Variants in MAST1 observed in about 807,000 individuals in gnomAD.
MAST1 encodes microtubule-associated serine/threonine-protein kinase 1.
In MAST1, 40 loss-of-function variants were observed where a neutral mutation model predicts 124.6. The observed-to-expected ratio is 0.32, with a 90% CI of 0.25 to 0.42. MAST1 has a LOEUF of 0.42. Among genes scored for constraint, MAST1 ranks in the 10% least tolerant of loss-of-function variants. The pLI is 1.00. For missense variants in MAST1, 1,558 were observed against 2,181.9 expected, an observed-to-expected ratio of 0.71 and a Z score of 5.70; for synonymous variants, 938 against 939.4, an observed-to-expected ratio of 1.00 and a Z score of 0.03.
chr19:12,858,971 C>T, intron 12 of MAST1: 1 of 599,828 alleles, frequency 1.7e-6, no homozygotes, highest in Non-Finnish European at 3.0e-6. Context: ...TTCAGTCTGA[C>T]CCATTATCCA....
rs367743520 is a variant in MAST1 at position 12,874,571 on chromosome 19, G to A, written c.4414G>A (p.Glu1472Lys). The stretch of plus-strand genomic sequence containing the variant: ...CGCACCCCTGGCGCCTTCCGTGCCC[G>A]AGGCCCCCCGGGGCCGGGAGCGCTG... ...EPAPLAPSVP[E>K]APRGRERWVL... The change falls in exon 26 of 26, where the codon GAG becomes AAG. Residue 1472 changes from glutamate to lysine, a missense_variant. By Grantham distance (56) the Glu-to-Lys change is moderately conservative. Coordinates refer to ENST00000251472, the MANE Select transcript of MAST1 (RefSeq NM_014975.3). The surrounding 1 kb of genome is among the most constrained non-coding windows in gnomAD (Gnocchi z 6.6). 2.0e-6 allele frequency: 3 copies of A among 1,507,964 alleles called. No individual in the cohort carries two copies. The highest frequency in any genetic ancestry group is 1.4e-5 in the African/African-American group (1 of 71,710). 93.4% of individuals were successfully genotyped at this position (1,507,964 alleles called of 1,614,324 possible).
At chr19:12,867,701 T>A in intron 19 of MAST1, 29 bp from the exon 20 acceptor site, 1 of 1,534,994 alleles carries the variant, frequency 6.5e-7, no homozygotes, top group Middle Eastern at 1.7e-4. Context: ...AGGGGGCGTG[T>A]CTTCCATAAC....
rs759181407 is a variant in MAST1 at position 12,874,695 on chromosome 19, C to T, written c.4538C>T (p.Ala1513Val). ...LSPEPQTPSLAPAKCSAPSSA... is the reference protein window; with the variant it reads ...LSPEPQTPSLVPAKCSAPSSA... Reference sequence around the variant, plus strand: ...CCGGAGCCCCAGACACCCTCCCTAGCCCCAGCGAAGTGCAGTGCACCCAGC... The same window carrying T: ...CCGGAGCCCCAGACACCCTCCCTAGTCCCAGCGAAGTGCAGTGCACCCAGC... The change falls in exon 26 of 26, where the codon GCC (alanine) becomes GTC (valine). Residue 1513 changes from alanine (A) to valine (V), a missense_variant. Physicochemically the swap from Ala to Val is moderately conservative, Grantham distance 64. This residue lies in a region of MAST1 where 168 missense variants were observed against 154.3 expected (regional missense o/e 1.09). Coordinates refer to ENST00000251472, the MANE Select transcript of MAST1 (RefSeq NM_014975.3). The surrounding 1 kb of genome is among the most constrained non-coding windows in gnomAD (Gnocchi z 6.6). 9.6e-6 allele frequency: 15 copies of T among 1,569,670 alleles called. No individual in the cohort carries two copies. The highest frequency in any genetic ancestry group is 1.3e-5 in the Non-Finnish European group (15 of 1,152,170).
chr19:12,853,448 C>T (rs538131878), intron 10 of MAST1, among the ~76,000 whole-genome samples: 13 of 151,304 alleles, frequency 8.6e-5, no homozygotes, highest in East Asian at 2.0e-4. Flanking sequence ...CCCAGCTACT[C>T]GGGAGGCTGA....
In MAST1 at chr19:12,847,414, G is replaced by T. The variant is rs772811410; in HGVS notation, c.452G>T (p.Arg151Leu). 8 of 1,613,470 alleles carry T rather than the reference G, an allele frequency of 5.0e-6. No homozygotes were observed. Among genetic ancestry groups the T allele is most frequent in the Non-Finnish European group, 6.8e-6 (8 of 1,179,964 alleles). ...ATCACAGACGAGGATGGTGGCCGTC[G>T]CTCCCCAGCCGTGCGGCCCCGCTCA... ...ESITDEDGGR[R>L]SPAVRPRSRS... The change falls in exon 5 of 26, where the codon CGC becomes CTC. Residue 151 changes from arginine to leucine, a missense_variant. Transcript: ENST00000251472. This position sits in a 1 kb window ranked among gnomAD's most constrained non-coding sequence, Gnocchi z 5.5.
chr19:12,862,650 T>C (rs942355155), intron 12 of MAST1, among the ~76,000 whole-genome samples: 1 of 151,368 alleles, frequency 6.6e-6, no homozygotes, highest in Non-Finnish European at 1.5e-5. Context: ...TGTTGTTTTT[T>C]TCTTTTCCTT....
intron 12 of MAST1, among the ~76,000 whole-genome samples, chr19:12,863,438 G>A (rs1266449260): frequency 6.6e-6 from 1 of 152,096 alleles, no homozygotes. Context: ...AAAAAAGAAA[G>A]AAATCATTAG....
chr19:12,844,386 G>A (rs1969866630), intron 4 of MAST1, among the ~76,000 whole-genome samples: 1 of 152,216 alleles, frequency 6.6e-6, no homozygotes, highest in Non-Finnish European at 1.5e-5. Flanking sequence ...TCATGTGGTA[G>A]GCGGGTTCTG....
chr19:12,840,612 T>A, intron 2 of MAST1, 78 bp downstream of exon 2: 1 of 1,090,884 alleles, frequency 9.2e-7, no homozygotes, highest in South Asian at 1.3e-5. Context: ...AGCGTGGTCA[T>A]GCTACAGAAG....
In MAST1 at chr19:12,873,583, C is replaced by T. The variant is rs374735970; in HGVS notation, c.3452-26C>T. The stretch of plus-strand genomic sequence containing the variant: ...CTGGCTGGTGCTTGGGCTGTACTCA[C>T]TCGCTTCACCTCCTGTCTCCCGCAG... On this transcript the variant is annotated intron_variant, in intron 25 of 25. Transcript: ENST00000251472. The T allele has an allele frequency of 4.4e-6, 7 of 1,578,112 alleles. No individual in the cohort carries two copies. In the African/African-American group the frequency reaches 8.0e-5, roughly 18 times the overall value.
In MAST1 at chr19:12,873,641, A is replaced by G; in HGVS notation, c.3484A>G (p.Ser1162Gly). 6.3e-7 allele frequency: 1 copy of G among 1,594,458 alleles called. No individual in the cohort carries two copies. Among genetic ancestry groups the G allele is most frequent in the Non-Finnish European group, 8.5e-7 (1 of 1,173,896 alleles). ...ASSQSSSPAS[S>G]TPNSPASSAS... ...ATCCCAGAGCAGCTCCCCAGCCTCG[A>G]GCACGCCCAACTCGCCTGCGTCGTC... Residue 1162 changes from serine to glycine, a missense_variant, in exon 26 of 26, where the codon AGC (serine) becomes GGC (glycine). By Grantham distance (56) the Ser-to-Gly change is moderately conservative. Around this residue, in one of 10 missense-constraint regions of MAST1, gnomAD observed 291 missense variants for 475.8 expected, o/e 0.61. Coordinates refer to ENST00000251472, the MANE Select transcript of MAST1 (RefSeq NM_014975.3).
chr19:12,839,008 C>T (rs1193516109), intron 1 of MAST1, among the ~76,000 whole-genome samples: 2 of 152,032 alleles, frequency 1.3e-5, no homozygotes, highest in African/African-American at 4.8e-5. Context: ...TGGCCTCCCC[C>T]CACCCCCATG....
At chr19:12,863,558 C>G (rs894354721) in intron 12 of MAST1, among the ~76,000 whole-genome samples, 25 of 152,182 alleles carry the variant, frequency 1.6e-4, no homozygotes, top group Admixed American at 1.4e-3. Flanking sequence ...CTCTGTACTC[C>G]CACATGTGGG....
chr19:12,845,411 CAAAAAAAA>C (rs540488398), intron 4 of MAST1, among the ~76,000 whole-genome samples: 14 of 69,140 alleles, frequency 2.0e-4, no homozygotes, highest in Non-Finnish European at 3.3e-4. Context: ...CCTGTTTCTA[CAAAAAAAA>C]AAAAAAAAAA....
At chr19:12,848,192 CAG>C (rs1469517182) in intron 7 of MAST1, 135 bp downstream of exon 7, 8 of 787,766 alleles carry the variant, frequency 1.0e-5, no homozygotes, top group South Asian at 1.7e-5. Flanking sequence ...GCTGAGGACT[CAG>C]GGGTGGAAGT....
At chr19:12,869,772 G>T (rs961122201) in intron 22 of MAST1, among the ~76,000 whole-genome samples, 27 of 151,212 alleles carry the variant, frequency 1.8e-4, no homozygotes, top group Non-Finnish European at 2.8e-4. Flanking sequence ...GGGAGAATAG[G>T]CCAGGCGCAG....
chr19:12,842,886 G>A (rs945809801), intron 3 of MAST1, among the ~76,000 whole-genome samples: 10 of 152,126 alleles, frequency 6.6e-5, no homozygotes, highest in African/African-American at 2.2e-4. Context: ...TCTTGCACGC[G>A]TGATTGTGCA....
rs1224727738 is a variant in MAST1, at chr19:12,851,707, A to G, written c.775-227A>G. 2.6e-5 allele frequency among the ~76,000 whole-genome samples: 4 copies of G among 151,976 alleles called. No homozygotes were observed. The East Asian group carries it at 7.7e-4, about 29-fold the overall frequency. ...CACCATGTTGGCCAGGCTGGTTTCA[A>G]ACTTTTGACCTCAAGTGATCCACCC... On this transcript the variant is annotated intron_variant, in intron 7 of 25. Transcript: ENST00000251472.
At chr19:12,870,492 CA>C (rs36022150) in intron 22 of MAST1, among the ~76,000 whole-genome samples, 10,926 of 75,782 alleles carry the variant, frequency 0.14, 931 homozygotes, top group African/African-American at 0.34. Flanking sequence ...GACTCCGTCT[CA>C]AAAAAAAAAA....
Sources: gnomAD v4.1 joint callset for allele counts (sites outside exome capture counted in the v4.1 genomes callset) on GRCh38, gnomAD v4.1.1 for gene constraint, gnomAD v4.1.1 regional missense constraint, Gnocchi (gnomAD v3.1) non-coding constraint, MANE v1.5 for transcripts, NCBI Gene and HGNC (gene_info 2026-07-23, HGNC 2026-07-21) for gene names.